TCP11L2: variants seen among roughly 807,000 people sequenced by gnomAD.
The protein encoded by TCP11L2 is T-complex protein 11-like protein 2.
TCP11L2 carries 39 observed loss-of-function variants against 50.7 expected under a neutral mutation model. The observed-to-expected ratio is 0.77, with a 90% CI of 0.60 to 1.01. The LOEUF (loss-of-function observed/expected upper bound fraction) is 1.01, where lower values mean the gene tolerates loss of function less well. Among genes scored for constraint, TCP11L2 ranks in the 50% least tolerant of loss-of-function variants. TCP11L2 has a pLI of 0.00. For missense variants in TCP11L2, 612 were observed against 614.7 expected, an observed-to-expected ratio of 1.00 and a Z score of 0.05; for synonymous variants, 192 against 219.3, an observed-to-expected ratio of 0.88 and a Z score of 1.10.
intron 2 of TCP11L2, among the ~76,000 whole-genome samples, chr12:106,313,982 G>A (rs1438793621): frequency 2.0e-5 from 3 of 151,974 alleles, no homozygotes; most frequent in Non-Finnish European, 4.4e-5. Context: ...TAACCAGGAT[G>A]GTCTTGATCT....
At chr12:106,319,732 ATT>A (rs1208140769) in intron 4 of TCP11L2, among the ~76,000 whole-genome samples, 3 of 152,178 alleles carry the variant, frequency 2.0e-5, no homozygotes, top group Admixed American at 2.0e-4. Flanking sequence ...ATTCTTATTT[ATT>A]AAAAATCCAA....
At chr12:106,318,986 A>C (rs1462183586) in intron 4 of TCP11L2, among the ~76,000 whole-genome samples, 1 of 150,958 alleles carries the variant, frequency 6.6e-6, no homozygotes, top group Non-Finnish European at 1.5e-5. Flanking sequence ...ATCTCGGCTC[A>C]CTGCAAGCTC....
At chr12:106,312,268 T>C in intron 2 of TCP11L2, 1 of 413,362 alleles carries the variant, frequency 2.4e-6, no homozygotes, top group Non-Finnish European at 4.5e-6. Context: ...TTTTTTTTTT[T>C]TTTTTTTTTT....
In TCP11L2 at chr12:106,317,865, T is replaced by A. The variant is rs1278919661; in HGVS notation, c.294-479T>A. On this transcript the variant is annotated intron_variant, in intron 3 of 9. Transcript: ENST00000299045. ...CCTAGGAAGGCTTCTATTTCACCAG[T>A]TTGGTCTGGCTAACTTTAAATGGGA... 2.6e-5 allele frequency among the ~76,000 whole-genome samples: 4 copies of A among 152,224 alleles called. No individual in the cohort carries two copies. The East Asian group carries it at 7.7e-4, about 29-fold the overall frequency.
At chr12:106,306,137 G>A (rs1420833781) in intron 1 of TCP11L2, among the ~76,000 whole-genome samples, 1 of 152,242 alleles carries the variant, frequency 6.6e-6, no homozygotes, top group Non-Finnish European at 1.5e-5. Flanking sequence ...AGCTATCACA[G>A]CAGTGGGCAC....
At chr12:106,330,161 C>T in intron 6 of TCP11L2, 1 of 985,400 alleles carries the variant, frequency 1.0e-6, no homozygotes. Flanking sequence ...TGAATTTTGT[C>T]CTAAGGCAGA....
intron 6 of TCP11L2, among the ~76,000 whole-genome samples, chr12:106,331,748 C>T (rs1392515054): frequency 6.6e-6 from 1 of 152,218 alleles, no homozygotes; most frequent in Non-Finnish European, 1.5e-5. Flanking sequence ...CTGCCTGGCT[C>T]AGAGGCCACG....
chr12:106,307,019 A>T (rs777579980), intron 1 of TCP11L2, among the ~76,000 whole-genome samples: 9 of 152,246 alleles, frequency 5.9e-5, no homozygotes, highest in Non-Finnish European at 1.0e-4. Context: ...GAGGAATCAC[A>T]AGCAAATTAA....
intron 6 of TCP11L2, chr12:106,330,299 A>C (rs985996476): frequency 3.0e-6 from 3 of 985,234 alleles, no homozygotes; most frequent in Non-Finnish European, 2.4e-6. Context: ...CTTAGAGCAA[A>C]AGTAAATAAA....
At chr12:106,310,052 C>T (rs990702626) in intron 1 of TCP11L2, among the ~76,000 whole-genome samples, 1 of 152,148 alleles carries the variant, frequency 6.6e-6, no homozygotes, top group Admixed American at 6.5e-5. Context: ...ATATTCACAT[C>T]AAGGTCAGCT....
chr12:106,302,065 G>A (rs2034431949), upstream of TCP11L2: 1 of 152,458 alleles, frequency 6.6e-6, no homozygotes, highest in Admixed American at 6.5e-5. Context: ...TGGCTGACGT[G>A]CGTGGGAAAG....
rs1214803401 is a variant in TCP11L2 at position 106,346,512 on chromosome 12, T to G, written c.1542T>G (p.Ala514=). 1 of 1,613,276 alleles carries G rather than the reference T, an allele frequency of 6.2e-7. No individual in the cohort carries two copies. The highest frequency in any genetic ancestry group is 1.7e-5 in the Admixed American group (1 of 59,938). Residue 514 remains alanine (A), a synonymous_variant, in exon 10 of 10, where the codon GCT becomes GCG. Coordinates refer to ENST00000299045, the MANE Select transcript of TCP11L2 (RefSeq NM_152772.3). Reference sequence around the variant, plus strand: ...AGGAAGCCATGGGGAAGGTAGATGCTTCACCTCCTACTAACTAAAGAAGAA... The same window carrying G: ...AGGAAGCCATGGGGAAGGTAGATGCGTCACCTCCTACTAACTAAAGAAGAA... ...FNEEAMGKVD[A]SPPTN
At chr12:106,331,862 T>C (rs1307795315) in intron 6 of TCP11L2, among the ~76,000 whole-genome samples, 4 of 152,240 alleles carry the variant, frequency 2.6e-5, no homozygotes, top group Admixed American at 2.6e-4. Context: ...TAAATTGAGA[T>C]TCATTCATCT....
chr12:106,335,090 A>G lies in TCP11L2; in HGVS notation c.773-549A>G, dbSNP rs554331381. 2.3e-3 allele frequency among the ~76,000 whole-genome samples: 352 copies of G among 152,350 alleles called. 1 individual carries two copies. The highest frequency in any genetic ancestry group is 7.8e-3 in the African/African-American group (325 of 41,584). On this transcript the variant is annotated intron_variant, in intron 6 of 9. Coordinates refer to ENST00000299045, the MANE Select transcript of TCP11L2 (RefSeq NM_152772.3). ...TGATTGTGCACATTCACTTTGGGAA[A>G]GGCATATCTCCAATTAGTTATTAAA...
At chr12:106,329,647 A>G in intron 6 of TCP11L2, 1 of 1,280,090 alleles carries the variant, frequency 7.8e-7, no homozygotes, top group East Asian at 3.2e-5. Flanking sequence ...GTCAGCCAGG[A>G]TTGAGAACCA....
intron 4 of TCP11L2, among the ~76,000 whole-genome samples, chr12:106,319,934 C>T (rs2035275276): frequency 6.6e-6 from 1 of 152,200 alleles, no homozygotes; most frequent in African/African-American, 2.4e-5. Flanking sequence ...TATACTTAAT[C>T]GACCCCATGG....
At chr12:106,329,599 C>T (rs1235093631) in intron 6 of TCP11L2, 3 of 1,359,028 alleles carry the variant, frequency 2.2e-6, no homozygotes, top group Non-Finnish European at 2.8e-6. Context: ...CCCATGAACT[C>T]TTTTTTTCCT....
intron 6 of TCP11L2, chr12:106,325,040 G>C (rs1438965509): frequency 1.3e-5 from 2 of 152,198 alleles, no homozygotes; most frequent in East Asian, 1.9e-4. Flanking sequence ...ATGGAACTGG[G>C]TACTAGTTAA....
intron 8 of TCP11L2, among the ~76,000 whole-genome samples, chr12:106,337,293 G>A (rs748538378): frequency 3.3e-5 from 5 of 152,192 alleles, no homozygotes; most frequent in Non-Finnish European, 7.4e-5. Flanking sequence ...AGGAGCCCAT[G>A]TAGTTACAGA....
Sources: gnomAD v4.1 joint callset for allele counts (sites outside exome capture counted in the v4.1 genomes callset) on GRCh38, gnomAD v4.1.1 for gene constraint, MANE v1.5 for transcripts, NCBI Gene and HGNC (gene_info 2026-07-23, HGNC 2026-07-21) for gene names.